Variants in TCP10L observed in about 807,000 individuals in gnomAD.
The protein encoded by TCP10L is t-complex 10 like.
A neutral mutation model predicts 19.2 loss-of-function variants in TCP10L; 11 were observed. That is an observed-to-expected ratio of 0.57 (90% CI 0.36 to 0.95). The LOEUF (loss-of-function observed/expected upper bound fraction) is 0.95. TCP10L is among the 40% of genes least tolerant of loss of function. TCP10L has a pLI of 0.01. For synonymous variants in TCP10L, 96 were observed against 97.2 expected, an observed-to-expected ratio of 0.99 and a Z score of 0.07; for missense variants, 247 against 263.9, an observed-to-expected ratio of 0.94 and a Z score of 0.44.
intron 3 of TCP10L, among the ~76,000 whole-genome samples, chr21:32,581,789 A>G (rs2038497331): frequency 6.6e-6 from 1 of 152,152 alleles, no homozygotes; most frequent in African/African-American, 2.4e-5. Context: ...TCCCAGCTCT[A>G]CGTTCTCCAG....
chr21:32,584,125 G>T (rs764285544), intron 2 of TCP10L, 36 bp downstream of exon 2: 1 of 1,582,858 alleles, frequency 6.3e-7, no homozygotes, highest in African/African-American at 1.3e-5. Context: ...GTCCCGCCTG[G>T]TGGGACTAAC....
Position 32,576,218 on chromosome 21 carries a change from C to T in TCP10L, c.*556G>A. ...AGTCCCCAACTCTGCTCACCAGCTC[C>T]TCCGGCTGCTGCCATCTGCTCCTGC... On this transcript the variant is annotated 3_prime_UTR_variant, in exon 5 of 5. Transcript: ENST00000300258. The T allele has an allele frequency of 6.6e-7, 1 of 1,504,288 alleles. No individual in the cohort carries two copies. Among genetic ancestry groups the T allele is most frequent in the Non-Finnish European group, 9.1e-7 (1 of 1,098,094 alleles). The allele number at this position is 1,504,288 out of a possible 1,614,324, so 93.2% of individuals were successfully genotyped here.
At position 32,578,575 on chromosome 21, in the gene TCP10L, C is replaced by T. The variant is rs2038459532; in HGVS notation, c.498+119G>A. 1 of 1,455,648 alleles carries T rather than the reference C, an allele frequency of 6.9e-7. No homozygotes were observed. Among genetic ancestry groups the T allele is most frequent in the Admixed American group, 2.2e-5 (1 of 45,530 alleles). The allele number at this position is 1,455,648 out of a possible 1,614,324, so 90.2% of individuals were successfully genotyped here. A position where few individuals can be genotyped will look rare whatever the true frequency, so the allele number is the denominator to read the frequency against. ...CGTGTCCTTGGAAGAACACAGGACT[C>T]CAGGGAGCACCATGCTCACCCAGGG... On this transcript the variant is annotated intron_variant, in intron 4 of 4. Coordinates refer to ENST00000300258, the MANE Select transcript of TCP10L (RefSeq NM_144659.7). The surrounding 1 kb of genome is among the most constrained non-coding windows in gnomAD (Gnocchi z 4.2).
Position 32,575,263 on chromosome 21 carries a change from C to G in TCP10L, c.*1511G>C, listed in dbSNP as rs2038418104. The G allele has an allele frequency of 6.5e-6, 1 of 153,404 alleles. No individual in the cohort carries two copies. Among genetic ancestry groups the G allele is most frequent in the African/African-American group, 2.4e-5 (1 of 41,478 alleles). 9.5% of individuals were successfully genotyped at this position (153,404 alleles called of 1,614,324 possible). A position where few individuals can be genotyped will look rare whatever the true frequency, so the allele number is the denominator to read the frequency against. The stretch of plus-strand genomic sequence containing the variant: ...GGACAGCAGGAACAAGGTAGCCAGG[C>G]TGGAGCAGACCTGATGGGAAGGGCT... On this transcript the variant is annotated 3_prime_UTR_variant, in exon 5 of 5. Coordinates refer to ENST00000300258, the MANE Select transcript of TCP10L (RefSeq NM_144659.7).
chr21:32,576,564 C>A lies in TCP10L; in HGVS notation c.*210G>T. On this transcript the variant is annotated 3_prime_UTR_variant, in exon 5 of 5. Coordinates refer to ENST00000300258, the MANE Select transcript of TCP10L (RefSeq NM_144659.7). ...AGCAACTGATTTATAAAACCCAATC[C>A]AAGTTGTTTGCTTTTATAGCATTAG... The A allele has an allele frequency of 1.6e-6, 1 of 626,204 alleles. No individual in the cohort carries two copies. Among genetic ancestry groups the A allele is most frequent in the Non-Finnish European group, 2.7e-6 (1 of 371,290 alleles). 38.8% of individuals were successfully genotyped at this position (626,204 alleles called of 1,614,324 possible). A position where few individuals can be genotyped will look rare whatever the true frequency, so the allele number is the denominator to read the frequency against.
At position 32,573,794 on chromosome 21, in the gene TCP10L, A is replaced by G. The variant is rs1322397831; in HGVS notation, c.*2980T>C. Among the ~76,000 whole-genome samples, 1 of 152,158 alleles carries G rather than the reference A, an allele frequency of 6.6e-6. No individual in the cohort carries two copies. The highest frequency in any genetic ancestry group is 1.5e-5 in the Non-Finnish European group (1 of 68,022). ...TGTTTGCTCTGGGGTCAGGGTGGCC[A>G]CAGTGACAACCGCCACATTCAACAC... On this transcript the variant is annotated 3_prime_UTR_variant, in exon 5 of 5. Transcript: ENST00000300258.
rs2038413339 is a variant in TCP10L, at chr21:32,574,812, A to G, written c.*1962T>C. On this transcript the variant is annotated 3_prime_UTR_variant, in exon 5 of 5. Transcript: ENST00000300258. Reference sequence around the variant, plus strand: ...TTTCTTGTTCATGAGATTACTATACACATGTCAGGTCAGTTCAACAACAAA... The same window carrying G: ...TTTCTTGTTCATGAGATTACTATACGCATGTCAGGTCAGTTCAACAACAAA... The G allele has an allele frequency of 6.3e-6, 1 of 157,740 alleles. No individual in the cohort carries two copies. The highest frequency in any genetic ancestry group is 2.4e-5 in the African/African-American group (1 of 41,464). The allele number at this position is 157,740 out of a possible 1,614,324, so 9.8% of individuals were successfully genotyped here. A position where few individuals can be genotyped will look rare whatever the true frequency, so the allele number is the denominator to read the frequency against.
intron 4 of TCP10L, 140 bp from the exon 5 acceptor site, chr21:32,577,063 C>G: frequency 1.2e-6 from 1 of 851,800 alleles, no homozygotes; most frequent in Non-Finnish European, 1.8e-6. Context: ...GAGGTATCCA[C>G]ACTTAGTGTC....
chr21:32,573,871 C>T lies in TCP10L; in HGVS notation c.*2903G>A, dbSNP rs1453772013. On this transcript the variant is annotated 3_prime_UTR_variant, in exon 5 of 5. Transcript: ENST00000300258. ...ACAAATAACATACAAATAACACCTG[C>T]CATGACTGTGGCACTGTTTCTAAAT... Among the ~76,000 whole-genome samples, 1 of 152,148 alleles carries T rather than the reference C, an allele frequency of 6.6e-6. No homozygotes were observed. Among genetic ancestry groups the T allele is most frequent in the Non-Finnish European group, 1.5e-5 (1 of 68,020 alleles).
chr21:32,583,479 C>T (rs2038520259), intron 2 of TCP10L, among the ~76,000 whole-genome samples: 2 of 149,306 alleles, frequency 1.3e-5, no homozygotes, highest in African/African-American at 2.5e-5. Flanking sequence ...GTCCCAGCTA[C>T]GTGGGAGGCT....
chr21:32,577,069 G>T lies in TCP10L; in HGVS notation c.499-146C>A, dbSNP rs138551450. 8.8e-4 allele frequency: 722 copies of T among 821,566 alleles called. 1 individual carries two copies. In the African/African-American group the frequency reaches 0.012, roughly 13 times the overall value. The allele number at this position is 821,566 out of a possible 1,614,324, so 50.9% of individuals were successfully genotyped here. A position where few individuals can be genotyped will look rare whatever the true frequency, so the allele number is the denominator to read the frequency against. On this transcript the variant is annotated intron_variant, in intron 4 of 4. Transcript: ENST00000300258. ...AGGACACATGAGGTATCCACACTTA[G>T]TGTCTCTCATTCCCCATTTTACAGC...
intron 2 of TCP10L, among the ~76,000 whole-genome samples, chr21:32,583,179 C>T (rs1008546923): frequency 1.2e-4 from 18 of 151,860 alleles, no homozygotes; most frequent in African/African-American, 4.3e-4. Flanking sequence ...GGATTACAGG[C>T]ACATGCCACC....
At chr21:32,584,543 G>A (rs148377568) in intron 1 of TCP10L, among the ~76,000 whole-genome samples, 59 of 152,316 alleles carry the variant, frequency 3.9e-4, no homozygotes, top group Middle Eastern at 3.4e-3. Flanking sequence ...AAATGCTTTA[G>A]ATCCTAGAAG....
intron 4 of TCP10L, 132 bp from the exon 5 acceptor site, chr21:32,577,055 G>T: frequency 1.1e-6 from 1 of 926,418 alleles, no homozygotes; most frequent in Non-Finnish European, 1.6e-6. Flanking sequence ...GGACACATGA[G>T]GTATCCACAC....
At position 32,582,696 on chromosome 21, in the gene TCP10L, G is replaced by A. The variant is rs149932813; in HGVS notation, c.145-281C>T. Among the ~76,000 whole-genome samples the A allele has an allele frequency of 2.6e-3, 387 of 151,064 alleles. 1 individual carries two copies. Among genetic ancestry groups the A allele is most frequent in the Non-Finnish European group, 4.3e-3 (288 of 67,744 alleles). The stretch of plus-strand genomic sequence containing the variant: ...AAGCTTCAACTTGATGAGCTCAAGC[G>A]ATCCTCCTGTCTCGACCTCCCAAAT... On this transcript the variant is annotated intron_variant, in intron 2 of 4. Coordinates refer to ENST00000300258, the MANE Select transcript of TCP10L (RefSeq NM_144659.7). The surrounding 1 kb of genome is among the most constrained non-coding windows in gnomAD (Gnocchi z 4.2).
At chr21:32,584,129 G>T in intron 2 of TCP10L, 32 bp downstream of exon 2, 1 of 1,595,724 alleles carries the variant, frequency 6.3e-7, no homozygotes, top group Non-Finnish European at 8.6e-7. Context: ...CGCCTGGTGG[G>T]ACTAACTCTG....
chr21:32,576,270 TG>T lies in TCP10L; in HGVS notation c.*503del, dbSNP rs1370817367. On this transcript the variant is annotated 3_prime_UTR_variant, in exon 5 of 5. Coordinates refer to ENST00000300258, the MANE Select transcript of TCP10L (RefSeq NM_144659.7). ...GCATGGCGGCCTGGGAAGCCTGCAC[TG>T]GTGATTTTCTGCCACTCAAGTTTTG... 1.6e-5 allele frequency: 25 copies of T among 1,576,318 alleles called. No homozygotes were observed. In the Admixed American group the frequency reaches 4.3e-4, roughly 27 times the overall value.
At position 32,578,754 on chromosome 21, in the gene TCP10L, C is replaced by G. The variant is rs1161422753; in HGVS notation, c.438G>C (p.Lys146Asn). 4 of 1,614,054 alleles carry G rather than the reference C, an allele frequency of 2.5e-6. No homozygotes were observed. The African/African-American group carries it at 5.3e-5, about 22-fold the overall frequency. The change falls in exon 4 of 5, where the codon AAG becomes AAC. Residue 146 changes from lysine (K) to asparagine (N), a missense_variant. Physicochemically the swap from Lys to Asn is moderately conservative, Grantham distance 94. Transcript: ENST00000300258. This position sits in a 1 kb window ranked among gnomAD's most constrained non-coding sequence, Gnocchi z 4.2. ...EETIPKYAGH[K>N]NQSATLLGQR... The stretch of plus-strand genomic sequence containing the variant: ...GTCCCAGGAGAGTGGCACTCTGATT[C>G]TTGTGGCCAGCGTATTTGGGTATTG...
chr21:32,583,546 G>A (rs1312943577), intron 2 of TCP10L, among the ~76,000 whole-genome samples: 4 of 133,944 alleles, frequency 3.0e-5, no homozygotes, highest in South Asian at 4.7e-4. Flanking sequence ...CCGAGATCCC[G>A]CCACTGCACT....
Sources: gnomAD v4.1 joint callset for allele counts (sites outside exome capture counted in the v4.1 genomes callset) on GRCh38, gnomAD v4.1.1 for gene constraint, Gnocchi (gnomAD v3.1) non-coding constraint, MANE v1.5 for transcripts, NCBI Gene and HGNC (gene_info 2026-07-23, HGNC 2026-07-21) for gene names.